The following RP2 variants were observed in gnomAD, a reference collection of about 807,000 sequenced individuals.
The protein encoded by RP2 is RP2 activator of ARL3 GTPase, also known as protein XRP2.
A neutral mutation model predicts 20.3 loss-of-function variants in RP2; 3 were observed. The observed-to-expected ratio is 0.15, with a 90% CI of 0.07 to 0.38. RP2 has a LOEUF of 0.38. Ranked by LOEUF, RP2 falls within the 10% of genes least tolerant of loss-of-function variation. The pLI is 1.00. For missense variants in RP2, 233 were observed against 268.5 expected (o/e 0.87, Z 0.92); for synonymous variants, 75 against 94.8 (o/e 0.79, Z 1.22).
At chrX:46,847,687 T>TATATGTGTGTGTATATATACACAC (rs1924741635) in intron 1 of RP2, among the ~76,000 whole-genome samples, 1 of 85,261 alleles carries the variant, frequency 1.2e-5, no homozygotes, top group Non-Finnish European at 2.2e-5. Flanking sequence ...GATCACACTA[T>TATATGTGTGTGTATATATACACAC]ATATATGTGT....
chrX:46,869,800 G>C (rs1556325387), intron 3 of RP2, among the ~76,000 whole-genome samples: 1 of 105,772 alleles, frequency 9.5e-6, no homozygotes, highest in Non-Finnish European at 1.9e-5. Flanking sequence ...GTAGAGATGG[G>C]GTTTCTCCAT....
chrX:46,847,111 C>G (rs1433659470), intron 1 of RP2, among the ~76,000 whole-genome samples: 1 of 111,817 alleles, frequency 8.9e-6, no homozygotes, highest in African/African-American at 3.2e-5. Flanking sequence ...TCCCAAATGA[C>G]TTGTATTTAC....
chrX:46,879,132 T>TG (rs1421738969), intron 4 of RP2, among the ~76,000 whole-genome samples: 3 of 101,906 alleles, frequency 2.9e-5, no homozygotes, highest in African/African-American at 1.1e-4. Context: ...ACCAGCTACT[T>TG]GGGGGGCTGA....
At chrX:46,863,893 T>C (rs1289125224) in intron 3 of RP2, among the ~76,000 whole-genome samples, 2 of 112,136 alleles carry the variant, frequency 1.8e-5, no homozygotes, top group Non-Finnish European at 3.8e-5. Context: ...TCAGTTGCAA[T>C]AGTCACATTT....
intron 2 of RP2, among the ~76,000 whole-genome samples, chrX:46,855,664 G>A (rs1367822410): frequency 9.1e-6 from 1 of 110,058 alleles, no homozygotes; most frequent in African/African-American, 3.3e-5. Context: ...ACAGGGTTTT[G>A]CCATGTTGGT....
intron 4 of RP2, among the ~76,000 whole-genome samples, chrX:46,878,777 C>G (rs1925417754): frequency 9.0e-6 from 1 of 111,063 alleles, no homozygotes; most frequent in Non-Finnish European, 1.9e-5. Flanking sequence ...ACTGAGCCCA[C>G]AGAGGTTTAT....
At chrX:46,854,187 A>G in intron 2 of RP2, 46 bp downstream of exon 2, 2 of 1,121,495 alleles carry the variant, frequency 1.8e-6, no homozygotes, top group Non-Finnish European at 2.4e-6. Flanking sequence ...AGATTTAAAA[A>G]TGTACCACTC....
chrX:46,841,286 G>A (rs1403988867), intron 1 of RP2, among the ~76,000 whole-genome samples: 1 of 112,251 alleles, frequency 8.9e-6, no homozygotes, highest in Non-Finnish European at 1.9e-5. Context: ...GAGGAGGCTA[G>A]ATACTGTTTT....
At chrX:46,879,655 ATTTTT>A in intron 4 of RP2, 26 bp from the exon 5 acceptor site, 7 of 857,680 alleles carry the variant, frequency 8.2e-6, no homozygotes, top group Non-Finnish European at 1.1e-5. Flanking sequence ...CTTGGTACTG[ATTTTT>A]TTTTTTAATT....
chrX:46,843,863 A>G (rs186909382), intron 1 of RP2, among the ~76,000 whole-genome samples: 2 of 111,054 alleles, frequency 1.8e-5, no homozygotes, highest in Admixed American at 1.9e-4. Context: ...TAATAGAGAC[A>G]GGGTTTTGCC....
In RP2 at chrX:46,874,349, A is replaced by C. The variant is rs142078823; in HGVS notation, c.884-3156A>C. 5.5e-3 allele frequency among the ~76,000 whole-genome samples: 615 copies of C among 111,995 alleles called. 3 individuals carry two copies. Among genetic ancestry groups the C allele is most frequent in the Middle Eastern group, 0.023 (5 of 217 alleles). The stretch of plus-strand genomic sequence containing the variant: ...ACACTATATTTCCTTGTAGTGATGA[A>C]ACTATATTCTACCTTAATTCAAACT... On this transcript the variant is annotated intron_variant, in intron 3 of 4. Coordinates refer to ENST00000218340, the MANE Select transcript of RP2 (RefSeq NM_006915.3).
At chrX:46,858,396 G>A (rs782755465) in intron 2 of RP2, among the ~76,000 whole-genome samples, 65 of 111,257 alleles carry the variant, frequency 5.8e-4, no homozygotes, top group Non-Finnish European at 9.2e-4. Flanking sequence ...AATGTTCTGT[G>A]TTGAGAATAT....
rs1925481174 is a variant in RP2 at position 46,882,139 on chromosome X, C to A, written c.*2370C>A. 8.9e-6 allele frequency: 1 copy of A among 112,019 alleles called. No homozygotes were observed. The highest frequency in any genetic ancestry group is 1.9e-5 in the Non-Finnish European group (1 of 53,216). The allele number at this position is 112,019 out of a possible 1,213,427, so 9.2% of individuals were successfully genotyped here. On this transcript the variant is annotated 3_prime_UTR_variant, in exon 5 of 5. Coordinates refer to ENST00000218340, the MANE Select transcript of RP2 (RefSeq NM_006915.3). Reference sequence around the variant, plus strand: ...ATAGTAATCAGAATGTATTACATTTCATTTCTGAATAGCTTTTGAATTTAT... The same window carrying A: ...ATAGTAATCAGAATGTATTACATTTAATTTCTGAATAGCTTTTGAATTTAT...
At chrX:46,848,123 C>T (rs569345912) in intron 1 of RP2, among the ~76,000 whole-genome samples, 1 of 107,562 alleles carries the variant, frequency 9.3e-6, no homozygotes, top group Non-Finnish European at 1.9e-5. Flanking sequence ...TATAGTGCTT[C>T]TTATACTCCT....
At chrX:46,839,273 C>T (rs2147075351) in intron 1 of RP2, among the ~76,000 whole-genome samples, 1 of 111,409 alleles carries the variant, frequency 9.0e-6, no homozygotes, top group African/African-American at 3.3e-5. Context: ...TTTCTAGGGC[C>T]AGGCATGGTG....
At chrX:46,847,788 A>ATATG (rs1491500763) in intron 1 of RP2, among the ~76,000 whole-genome samples, 7 of 58,692 alleles carry the variant, frequency 1.2e-4, no homozygotes, top group Admixed American at 9.0e-4. Flanking sequence ...ACATACACAC[A>ATATG]TGTGTGTGTG....
intron 1 of RP2, among the ~76,000 whole-genome samples, chrX:46,848,479 G>A (rs1236060929): frequency 9.5e-6 from 1 of 105,457 alleles, no homozygotes; most frequent in Non-Finnish European, 1.9e-5. Context: ...TGCCTCCTGG[G>A]TTCAAGCGAT....
intron 1 of RP2, among the ~76,000 whole-genome samples, chrX:46,847,767 T>TGTGTGTGTATATACACAC (rs1924764248): frequency 1.5e-5 from 1 of 68,515 alleles, no homozygotes; most frequent in Admixed American, 1.6e-4. Context: ...TATACACACA[T>TGTGTGTGTATATACACAC]GTGTGTGTGT....
intron 1 of RP2, among the ~76,000 whole-genome samples, chrX:46,839,266 C>G (rs1652135113): frequency 9.0e-6 from 1 of 110,687 alleles, no homozygotes; most frequent in African/African-American, 3.3e-5. Context: ...ATATTTTTTT[C>G]TAGGGCCAGG....
Sources: allele counts gnomAD v4.1 joint callset (sites outside exome capture counted in the v4.1 genomes callset), GRCh38; gene constraint gnomAD v4.1.1; transcripts MANE v1.5; gene names NCBI Gene and HGNC (gene_info 2026-07-23, HGNC 2026-07-21).